Variants in SLC39A11 observed in about 807,000 individuals in gnomAD.
SLC39A11 encodes zinc transporter ZIP11.
In SLC39A11, 33 loss-of-function variants were observed where a neutral mutation model predicts 36.1. That is an observed-to-expected ratio of 0.91 (90% CI 0.69 to 1.22). The LOEUF is 1.22. SLC39A11 is among the 50% of genes most tolerant of loss of function. The pLI is 0.00. For missense variants in SLC39A11, 432 were observed against 430.3 expected (o/e 1.00, Z -0.03); for synonymous variants, 166 against 170.3 (o/e 0.97, Z 0.20).
At chr17:73,055,901 C>T (rs917219392) in intron 3 of SLC39A11, among the ~76,000 whole-genome samples, 1 of 152,224 alleles carries the variant, frequency 6.6e-6, no homozygotes, top group East Asian at 1.9e-4. Context: ...CCCCTGACCA[C>T]GTTGCAGCCC....
At chr17:72,912,175 G>A (rs1417873324) in intron 5 of SLC39A11, among the ~76,000 whole-genome samples, 3 of 152,060 alleles carry the variant, frequency 2.0e-5, no homozygotes, top group African/African-American at 4.8e-5. Context: ...TAAATGAGCA[G>A]CTAAGTAAGC....
chr17:72,724,243 G>A (rs2073829596), intron 7 of SLC39A11, among the ~76,000 whole-genome samples: 1 of 152,110 alleles, frequency 6.6e-6, no homozygotes, highest in African/African-American at 2.4e-5. Flanking sequence ...AAGGACTCTG[G>A]AGATGAGGCC....
At chr17:72,667,028 T>C (rs191269378) in intron 7 of SLC39A11, among the ~76,000 whole-genome samples, 99 of 152,242 alleles carry the variant, frequency 6.5e-4, no homozygotes, top group African/African-American at 2.3e-3. Context: ...GGAGGACACT[T>C]TGGAGCACAG....
At chr17:72,743,831 C>T (rs1057337629) in intron 6 of SLC39A11, among the ~76,000 whole-genome samples, 5 of 152,238 alleles carry the variant, frequency 3.3e-5, no homozygotes, top group African/African-American at 1.2e-4. Context: ...AGAAACCCAA[C>T]TCATACTGTG....
intron 6 of SLC39A11, among the ~76,000 whole-genome samples, chr17:72,806,125 A>G (rs1047699955): frequency 1.1e-4 from 17 of 152,180 alleles, no homozygotes; most frequent in Non-Finnish European, 1.8e-4. Context: ...AGTTATAATT[A>G]GAGATCCTTT....
intron 7 of SLC39A11, among the ~76,000 whole-genome samples, chr17:72,685,036 G>A (rs2144349772): frequency 6.6e-6 from 1 of 152,328 alleles, no homozygotes; most frequent in South Asian, 2.1e-4. Context: ...GCTGAGCAGG[G>A]AAATGATCAT....
chr17:72,928,507 T>G (rs772634979), intron 5 of SLC39A11, among the ~76,000 whole-genome samples: 5 of 151,956 alleles, frequency 3.3e-5, no homozygotes, highest in Non-Finnish European at 7.4e-5. Context: ...AAGGAAGACA[T>G]GAGAATTTGA....
intron 6 of SLC39A11, among the ~76,000 whole-genome samples, chr17:72,742,142 G>A (rs531517219): frequency 6.6e-6 from 1 of 152,212 alleles, no homozygotes; most frequent in South Asian, 2.1e-4. Context: ...GGCAGAGGTT[G>A]CAGTGAGCCA....
At chr17:72,793,461 GA>G (rs2076784505) in intron 6 of SLC39A11, among the ~76,000 whole-genome samples, 1 of 152,086 alleles carries the variant, frequency 6.6e-6, no homozygotes, top group Non-Finnish European at 1.5e-5. Flanking sequence ...GAAAGGGAGA[GA>G]TTTTCTTTCT....
chr17:72,846,390 G>T (rs1046044807), intron 6 of SLC39A11, among the ~76,000 whole-genome samples: 1 of 152,192 alleles, frequency 6.6e-6, no homozygotes, highest in Non-Finnish European at 1.5e-5. Context: ...GCTGAACTTA[G>T]ACTTGGAAAC....
chr17:72,856,973 A>G (rs1250529793), intron 5 of SLC39A11, among the ~76,000 whole-genome samples: 1 of 152,180 alleles, frequency 6.6e-6, no homozygotes, highest in Non-Finnish European at 1.5e-5. Context: ...AAGCCACCAC[A>G]TTCTTTTTTA....
intron 6 of SLC39A11, among the ~76,000 whole-genome samples, chr17:72,747,425 T>C (rs8079667): frequency 0.66 from 99,652 of 152,096 alleles, 33,234 homozygotes; most frequent in Non-Finnish European, 0.72. Flanking sequence ...GTGCTGGAAT[T>C]ACAGGCGTGA....
Position 72,942,480 on chromosome 17 carries a change from C to T in SLC39A11, c.430+5272G>A, listed in dbSNP as rs944226151. 6.6e-5 allele frequency among the ~76,000 whole-genome samples: 10 copies of T among 152,120 alleles called. No homozygotes were observed. The East Asian group carries it at 7.7e-4, about 12-fold the overall frequency. On this transcript the variant is annotated intron_variant, in intron 5 of 9. Transcript: ENST00000255559. ...ATAACATCTCAGAGACTTCCCCAAA[C>T]ACATTATTTCGGAAACCTAGTTATA...
intron 6 of SLC39A11, among the ~76,000 whole-genome samples, chr17:72,784,517 G>A: frequency 6.6e-6 from 1 of 152,124 alleles, no homozygotes; most frequent in Non-Finnish European, 1.5e-5. Flanking sequence ...TGGTGATATA[G>A]TTCGGATATT....
intron 3 of SLC39A11, among the ~76,000 whole-genome samples, chr17:73,043,397 T>A (rs1188744682): frequency 6.6e-6 from 1 of 152,198 alleles, no homozygotes; most frequent in Non-Finnish European, 1.5e-5. Context: ...GGTTGTACTA[T>A]AAAATCAACC....
At position 73,018,153 on chromosome 17, in the gene SLC39A11, A is replaced by G. The variant is rs78484270; in HGVS notation, c.306+13403T>C. Among the ~76,000 whole-genome samples the G allele has an allele frequency of 8.5e-5, 13 of 152,314 alleles. No homozygotes were observed. In the East Asian group the frequency reaches 2.5e-3, roughly 29 times the overall value. ...TACAGGATCAAGTTGAACCACCAGT[A>G]AATTATCTGCCTGTCAGAATAAAAT... On this transcript the variant is annotated intron_variant, in intron 4 of 9. Transcript: ENST00000255559.
chr17:73,047,991 ATATATATATATAT>A (rs1167743974), intron 3 of SLC39A11, among the ~76,000 whole-genome samples: 56 of 35,954 alleles, frequency 1.6e-3, no homozygotes, highest in Non-Finnish European at 2.1e-3. Context: ...AAAAAAAAAA[ATATATATATATAT>A]ATATATATAT....
intron 4 of SLC39A11, 137 bp from the exon 5 acceptor site, chr17:72,948,012 C>G: frequency 9.2e-7 from 1 of 1,091,526 alleles, no homozygotes; most frequent in South Asian, 1.5e-5. Context: ...CCGGCCAACC[C>G]AGTTGCCAGG....
In SLC39A11 at chr17:72,809,397, A is replaced by G. The variant is rs565609756; in HGVS notation, c.601+40237T>C. The stretch of plus-strand genomic sequence containing the variant: ...TCTAAGGATTCCTGATACAGATCAC[A>G]ACCAACCATCCTGTTTGCGATCCCA... On this transcript the variant is annotated intron_variant, in intron 6 of 9. Transcript: ENST00000255559. Among the ~76,000 whole-genome samples the G allele has an allele frequency of 2.0e-5, 3 of 152,268 alleles. No homozygotes were observed. The South Asian group carries it at 6.2e-4, about 32-fold the overall frequency.
Sources: gnomAD v4.1 joint callset for allele counts (sites outside exome capture counted in the v4.1 genomes callset) on GRCh38, gnomAD v4.1.1 for gene constraint, MANE v1.5 for transcripts, NCBI Gene and HGNC (gene_info 2026-07-23, HGNC 2026-07-21) for gene names.